ST18: variants seen among roughly 807,000 people sequenced by gnomAD.
The protein encoded by ST18 is ST18 C2H2C-type zinc finger transcription factor.
Under a neutral mutation model 110.0 loss-of-function variants are expected in ST18, and 50 were observed. The ratio of observed to expected loss-of-function variants is 0.45; its 90% CI spans 0.36 to 0.58. ST18 has a LOEUF of 0.58. Ranked by LOEUF, ST18 falls within the 20% of genes least tolerant of loss-of-function variation. ST18 has a pLI of 0.00. For missense variants in ST18, 1,306 were observed against 1,280.1 expected (o/e 1.02, Z -0.31); for synonymous variants, 461 against 452.4 (o/e 1.02, Z -0.24).
intron 8 of ST18, among the ~76,000 whole-genome samples, chr8:52,203,229 GC>G (rs1452445030): frequency 6.6e-6 from 1 of 152,172 alleles, no homozygotes; most frequent in African/African-American, 2.4e-5. Context: ...AGTGCTATAT[GC>G]AAAAAGTTTC....
intron 8 of ST18, among the ~76,000 whole-genome samples, chr8:52,201,763 C>T (rs767769390): frequency 1.2e-4 from 18 of 152,182 alleles, no homozygotes; most frequent in Non-Finnish European, 2.5e-4. Context: ...AGACCACGCC[C>T]GTCCTCAGAC....
intron 2 of ST18, among the ~76,000 whole-genome samples, chr8:52,308,389 A>G (rs901088395): frequency 2.0e-5 from 3 of 152,242 alleles, no homozygotes; most frequent in Non-Finnish European, 2.9e-5. Flanking sequence ...ATTTGGCAGT[A>G]CAGACAATTC....
At chr8:52,304,596 A>G (rs2095784696) in intron 2 of ST18, among the ~76,000 whole-genome samples, 1 of 152,242 alleles carries the variant, frequency 6.6e-6, no homozygotes. Context: ...AACAAGTTAA[A>G]TGAACAATGA....
chr8:52,364,334 G>T (rs1057095016), intron 2 of ST18, among the ~76,000 whole-genome samples: 11 of 152,120 alleles, frequency 7.2e-5, no homozygotes, highest in African/African-American at 2.7e-4. Flanking sequence ...AGCTCTGGAA[G>T]GAAAAGGACT....
chr8:52,271,815 C>A (rs1172955442), intron 2 of ST18, among the ~76,000 whole-genome samples: 2 of 152,180 alleles, frequency 1.3e-5, no homozygotes, highest in African/African-American at 4.8e-5. Flanking sequence ...GACAAATGAA[C>A]AAATGCTTTC....
At chr8:52,144,722 A>G (rs2056608383) in intron 16 of ST18, among the ~76,000 whole-genome samples, 1 of 152,190 alleles carries the variant, frequency 6.6e-6, no homozygotes, top group Non-Finnish European at 1.5e-5. Flanking sequence ...TTTAAAATAA[A>G]GAGAAATGTA....
chr8:52,206,862 A>G (rs2080266349), intron 8 of ST18: 1 of 152,162 alleles, frequency 6.6e-6, no homozygotes. Flanking sequence ...AGGAAAGAAG[A>G]GAGTTTCTCC....
chr8:52,346,946 T>A (rs369757596), intron 2 of ST18, among the ~76,000 whole-genome samples: 1 of 152,158 alleles, frequency 6.6e-6, no homozygotes, highest in Non-Finnish European at 1.5e-5. Flanking sequence ...CCAAAAAATA[T>A]AAACAAAACC....
chr8:52,321,712 A>T (rs1804001816), intron 2 of ST18, among the ~76,000 whole-genome samples: 1 of 152,224 alleles, frequency 6.6e-6, no homozygotes, highest in South Asian at 2.1e-4. Context: ...TGTCAAAAAC[A>T]GTGGCAAACA....
intron 2 of ST18, among the ~76,000 whole-genome samples, chr8:52,246,113 A>G (rs1053612384): frequency 2.0e-5 from 3 of 152,136 alleles, no homozygotes; most frequent in African/African-American, 7.2e-5. Context: ...AGAAATTCAG[A>G]TATCTCTTGA....
intron 8 of ST18, among the ~76,000 whole-genome samples, chr8:52,211,664 G>A (rs933165447): frequency 1.5e-4 from 23 of 152,078 alleles, no homozygotes; most frequent in African/African-American, 5.5e-4. Flanking sequence ...ACCTCAGCCT[G>A]GAATCATCTA....
chr8:52,161,365 C>T lies in ST18; in HGVS notation c.1594+10G>A, dbSNP rs1409936279. ...ATTTTGGGGAAACGGCATTAGAGCT[C>T]AAAGCTTACATTCAGGAAATGGTGG... On this transcript the variant is annotated intron_variant, in intron 14 of 25. Coordinates refer to ENST00000689386, the MANE Select transcript of ST18 (RefSeq NM_001352837.2). The T allele has an allele frequency of 1.2e-6, 2 of 1,611,742 alleles. No homozygotes were observed. Among genetic ancestry groups the T allele is most frequent in the Non-Finnish European group, 1.7e-6 (2 of 1,178,594 alleles).
intron 2 of ST18, among the ~76,000 whole-genome samples, chr8:52,283,084 T>C (rs998693591): frequency 6.6e-6 from 1 of 152,154 alleles, no homozygotes; most frequent in Non-Finnish European, 1.5e-5. Flanking sequence ...CCAGGGGAAG[T>C]GTTCGCATTC....
intron 2 of ST18, among the ~76,000 whole-genome samples, chr8:52,371,851 T>G (rs1474047701): frequency 6.6e-6 from 1 of 152,210 alleles, no homozygotes; most frequent in Non-Finnish European, 1.5e-5. Context: ...CCTACTGCAC[T>G]GCCAGTCTAT....
chr8:52,159,435 C>T (rs1204567173), intron 14 of ST18, among the ~76,000 whole-genome samples: 2 of 152,076 alleles, frequency 1.3e-5, no homozygotes, highest in Admixed American at 6.6e-5. Context: ...GATAAAAAAA[C>T]ACACTAGCAA....
At chr8:52,243,161 A>G (rs1475613181) in intron 2 of ST18, among the ~76,000 whole-genome samples, 2 of 152,156 alleles carry the variant, frequency 1.3e-5, no homozygotes, top group Non-Finnish European at 2.9e-5. Context: ...CTAAATATAC[A>G]TGTCTTACAG....
At chr8:52,280,132 T>A (rs772815374) in intron 2 of ST18, among the ~76,000 whole-genome samples, 2 of 151,990 alleles carry the variant, frequency 1.3e-5, no homozygotes. Context: ...AAAACATATA[T>A]GTGAAAATTT....
rs1844610801 is a variant in ST18, at chr8:52,406,626, C to T, written c.-465+2702G>A. 4 of 152,284 alleles carry T rather than the reference C, an allele frequency of 2.6e-5. No homozygotes were observed. The South Asian group carries it at 6.2e-4, about 24-fold the overall frequency. The allele number at this position is 152,284 out of a possible 1,614,324, so 9.4% of individuals were successfully genotyped here. A position where few individuals can be genotyped will look rare whatever the true frequency, so the allele number is the denominator to read the frequency against. On this transcript the variant is annotated intron_variant, in intron 2 of 25. Coordinates refer to ENST00000689386, the MANE Select transcript of ST18 (RefSeq NM_001352837.2). ...TTGACAAAGGGAACCCGCAGGCAGC[C>T]AGCTGAGGTCTTAACATCCAAGTGG...
chr8:52,355,922 A>G (rs1246134139), intron 2 of ST18, among the ~76,000 whole-genome samples: 1 of 152,216 alleles, frequency 6.6e-6, no homozygotes, highest in Non-Finnish European at 1.5e-5. Flanking sequence ...CTTCCTGGAA[A>G]GCTTTTGTTA....
Sources: gnomAD v4.1 joint callset for allele counts (sites outside exome capture counted in the v4.1 genomes callset) on GRCh38, gnomAD v4.1.1 for gene constraint, MANE v1.5 for transcripts, NCBI Gene and HGNC (gene_info 2026-07-23, HGNC 2026-07-21) for gene names.